Variants in NT5DC1 observed in about 807,000 individuals in gnomAD.
NT5DC1 encodes the protein 5'-nucleotidase domain containing 1, also known as 5'-nucleotidase domain-containing protein 1.
NT5DC1 carries 42 observed loss-of-function variants against 59.4 expected under a neutral mutation model. That is an observed-to-expected ratio of 0.71 (90% CI 0.55 to 0.92). The LOEUF is 0.92. NT5DC1 is among the 40% of genes least tolerant of loss of function. The pLI, the probability that NT5DC1 is intolerant of heterozygous loss-of-function variation, is 0.00. For synonymous variants in NT5DC1, 172 were observed against 188.1 expected (o/e 0.91, Z 0.70); for missense variants, 501 against 537.1 (o/e 0.93, Z 0.66).
chr6:116,235,444 G>T (rs766898472), intron 8 of NT5DC1, among the ~76,000 whole-genome samples: 2 of 152,162 alleles, frequency 1.3e-5, no homozygotes, highest in Non-Finnish European at 2.9e-5. Context: ...TTAAATGACT[G>T]CTGAAATGGC....
At chr6:116,130,741 C>G (rs1779438521) in intron 6 of NT5DC1, among the ~76,000 whole-genome samples, 1 of 152,050 alleles carries the variant, frequency 6.6e-6, no homozygotes, top group Non-Finnish European at 1.5e-5. Context: ...TTAATGACCT[C>G]AATCTTGTAT....
At chr6:116,114,875 T>C (rs190643259) in intron 4 of NT5DC1, among the ~76,000 whole-genome samples, 4 of 152,270 alleles carry the variant, frequency 2.6e-5, no homozygotes, top group Admixed American at 1.3e-4. Context: ...CTGTTCTAAA[T>C]GTGAAGTTTG....
Position 116,146,786 on chromosome 6 carries a change from AAGAT to A in NT5DC1, c.529+28844_529+28847del, listed in dbSNP as rs1464969910. Among the ~76,000 whole-genome samples, 6 of 152,132 alleles carry A rather than the reference AAGAT, an allele frequency of 3.9e-5. No individual in the cohort carries two copies. In the East Asian group the frequency reaches 1.2e-3, roughly 29 times the overall value. Reference sequence around the variant, plus strand: ...AGACTGGGAAATTTAATGTATGAAAAAGATAGCATTTCAGATCAGTGGAAGACAG... The same window carrying A: ...AGACTGGGAAATTTAATGTATGAAAAAGCATTTCAGATCAGTGGAAGACAG... On this transcript the variant is annotated intron_variant, in intron 6 of 11. Coordinates refer to ENST00000319550, the MANE Select transcript of NT5DC1 (RefSeq NM_152729.3).
chr6:116,102,069 G>A (rs1380352117), intron 1 of NT5DC1, among the ~76,000 whole-genome samples: 1 of 152,248 alleles, frequency 6.6e-6, no homozygotes, highest in Non-Finnish European at 1.5e-5. Context: ...ATGAGTAAGA[G>A]ATGTATAATG....
At chr6:116,145,713 AAT>A (rs1482930906) in intron 6 of NT5DC1, among the ~76,000 whole-genome samples, 25 of 152,184 alleles carry the variant, frequency 1.6e-4, no homozygotes, top group Admixed American at 1.4e-3. Context: ...TAAAATAAAA[AAT>A]AGTTTGTTTC....
At position 116,229,777 on chromosome 6, in the gene NT5DC1, ACT is replaced by A. The variant is rs1342435340; in HGVS notation, c.802+6653_802+6654del. On this transcript the variant is annotated intron_variant, in intron 8 of 11. Coordinates refer to ENST00000319550, the MANE Select transcript of NT5DC1 (RefSeq NM_152729.3). ...CCACCATTGGGAGAATCATGAGCCA[ACT>A]CTCTCTGTCTCTCCTCTCTCTCTCT... is the stretch of plus-strand genomic sequence containing the variant. 5.3e-5 allele frequency among the ~76,000 whole-genome samples: 8 copies of A among 151,602 alleles called. No individual in the cohort carries two copies. In the East Asian group the frequency reaches 5.8e-4, roughly 11 times the overall value.
chr6:116,115,326 C>A (rs1778944394), intron 4 of NT5DC1, among the ~76,000 whole-genome samples: 1 of 152,142 alleles, frequency 6.6e-6, no homozygotes. Context: ...TCATGGTACT[C>A]CAGGGTTAGG....
intron 6 of NT5DC1, among the ~76,000 whole-genome samples, chr6:116,122,977 G>A (rs1211619355): frequency 6.6e-6 from 1 of 152,158 alleles, no homozygotes; most frequent in Non-Finnish European, 1.5e-5. Flanking sequence ...TTCATTGATT[G>A]TAGTGTACAT....
At chr6:116,162,557 T>C (rs1435268425) in intron 6 of NT5DC1, among the ~76,000 whole-genome samples, 1 of 152,210 alleles carries the variant, frequency 6.6e-6, no homozygotes, top group African/African-American at 2.4e-5. Context: ...TTTAATTCTG[T>C]TTATGTGGTG....
At chr6:116,104,440 A>C (rs1778731643) in intron 1 of NT5DC1, among the ~76,000 whole-genome samples, 2 of 152,184 alleles carry the variant, frequency 1.3e-5, no homozygotes, top group South Asian at 4.1e-4. Flanking sequence ...AAAGTGCCTC[A>C]ATGAGAGGCA....
At chr6:116,240,886 G>A (rs2114564706) in intron 11 of NT5DC1, among the ~76,000 whole-genome samples, 1 of 152,316 alleles carries the variant, frequency 6.6e-6, no homozygotes, top group Non-Finnish European at 1.5e-5. Context: ...GCTCACGCCT[G>A]TAATCCCAGC....
intron 6 of NT5DC1, among the ~76,000 whole-genome samples, chr6:116,179,693 C>G (rs1467172949): frequency 6.6e-6 from 1 of 152,142 alleles, no homozygotes; most frequent in African/African-American, 2.4e-5. Flanking sequence ...TGACAGGAAT[C>G]TAAATCAGCT....
rs1554197055 is a variant in NT5DC1 at position 116,163,137 on chromosome 6, A to ATATATATATAT, written c.529+45192_529+45193insTATATATATAT. On this transcript the variant is annotated intron_variant, in intron 6 of 11. Coordinates refer to ENST00000319550, the MANE Select transcript of NT5DC1 (RefSeq NM_152729.3). ...GCGAGACTCCGTCTCAAAAAAAAAA[A>ATATATATATAT]AAAAATATATATATATATATATATA... Among the ~76,000 whole-genome samples the ATATATATATAT allele has an allele frequency of 5.7e-5, 6 of 105,382 alleles. No homozygotes were observed. The South Asian group carries it at 8.6e-4, about 15-fold the overall frequency. 69.1% of individuals were successfully genotyped at this position (105,382 alleles called of 152,430 possible).
chr6:116,148,834 A>G (rs1159997564), intron 6 of NT5DC1, among the ~76,000 whole-genome samples: 2 of 152,210 alleles, frequency 1.3e-5, no homozygotes, highest in East Asian at 1.9e-4. Flanking sequence ...CTATAAGTCA[A>G]AAGTAAAGCA....
rs1288477665 is a variant in NT5DC1, at chr6:116,129,443, G to A, written c.529+11498G>A. ...GATCTTTAAGAGGTGATGAGGTTGC[G>A]AGGACTATGCCCTCATAAATGGATT... On this transcript the variant is annotated intron_variant, in intron 6 of 11. Transcript: ENST00000319550. Among the ~76,000 whole-genome samples the A allele has an allele frequency of 3.3e-5, 5 of 152,184 alleles. No individual in the cohort carries two copies. In the South Asian group the frequency reaches 1.0e-3, roughly 32 times the overall value.
intron 6 of NT5DC1, among the ~76,000 whole-genome samples, chr6:116,212,222 T>A (rs1424673718): frequency 2.1e-5 from 3 of 145,186 alleles, no homozygotes; most frequent in Non-Finnish European, 2.9e-5. Flanking sequence ...TCTTTTGTTA[T>A]CATGGAGTAA....
At chr6:116,150,990 GAAT>G (rs1173699504) in intron 6 of NT5DC1, among the ~76,000 whole-genome samples, 1 of 152,156 alleles carries the variant, frequency 6.6e-6, no homozygotes, top group Non-Finnish European at 1.5e-5. Context: ...ACAGGTGAGT[GAAT>G]AAGATGACAT....
intron 6 of NT5DC1, among the ~76,000 whole-genome samples, chr6:116,132,231 T>G (rs975186035): frequency 6.6e-6 from 1 of 152,180 alleles, no homozygotes; most frequent in Non-Finnish European, 1.5e-5. Context: ...CAACAGGATA[T>G]GTTGTTTAGA....
intron 11 of NT5DC1, among the ~76,000 whole-genome samples, chr6:116,242,547 A>G (rs993165201): frequency 1.3e-5 from 2 of 152,024 alleles, no homozygotes; most frequent in Admixed American, 6.5e-5. Flanking sequence ...TATTAAGGGG[A>G]AAAATGATTA....
Sources: gnomAD v4.1 joint callset for allele counts (sites outside exome capture counted in the v4.1 genomes callset) on GRCh38, gnomAD v4.1.1 for gene constraint, MANE v1.5 for transcripts, NCBI Gene and HGNC (gene_info 2026-07-23, HGNC 2026-07-21) for gene names.